The following ACCSL variants were observed in gnomAD, a reference collection of about 807,000 sequenced individuals.
The protein encoded by ACCSL is 1-aminocyclopropane-1-carboxylate synthase homolog (inactive) like.
In ACCSL, 55 loss-of-function variants were observed where a neutral mutation model predicts 61.7. That is an observed-to-expected ratio of 0.89 (90% CI 0.72 to 1.12). The LOEUF (loss-of-function observed/expected upper bound fraction) is 1.12, where lower values mean the gene tolerates loss of function less well. Ranked by LOEUF, ACCSL falls within the 50% of genes most tolerant of loss-of-function variation. ACCSL has a pLI of 0.00. For synonymous variants in ACCSL, 258 were observed against 264.3 expected (o/e 0.98, Z 0.23); for missense variants, 632 against 698.0 (o/e 0.91, Z 1.07).
chr11:44,053,367 G>A (rs184403112), intron 7 of ACCSL, 39 bp from the exon 8 acceptor site: 5 of 1,589,758 alleles, frequency 3.1e-6, no homozygotes, highest in Admixed American at 1.7e-5. Flanking sequence ...TAGATGCTAA[G>A]GACTTGTATT....
the ACCSL span, among the ~76,000 whole-genome samples, chr11:44,021,408 A>G: frequency 1.4e-4 from 22 of 152,176 alleles, no homozygotes; most frequent in African/African-American, 5.1e-4. Context: ...GGCCATTTGT[A>G]TATCTTCTTT....
At chr11:43,986,005 A>G in the ACCSL span, among the ~76,000 whole-genome samples, 1 of 152,150 alleles carries the variant, frequency 6.6e-6, no homozygotes, top group Non-Finnish European at 1.5e-5. Flanking sequence ...AAATAAAAAT[A>G]AAGGCATCTC....
the ACCSL span, among the ~76,000 whole-genome samples, chr11:43,922,998 G>A: frequency 6.6e-6 from 1 of 152,188 alleles, no homozygotes; most frequent in African/African-American, 2.4e-5. Context: ...AGCTCGGGTG[G>A]CATTGACAAT....
upstream of ACCSL, among the ~76,000 whole-genome samples, chr11:44,047,189 A>G (rs1952604027): frequency 6.6e-6 from 1 of 152,156 alleles, no homozygotes; most frequent in African/African-American, 2.4e-5. Flanking sequence ...TGGACTTCAA[A>G]GTTTGAGAGC....
chr11:43,932,109 T>C, the ACCSL span, among the ~76,000 whole-genome samples: 279 of 152,320 alleles, frequency 1.8e-3, no homozygotes, highest in African/African-American at 6.5e-3. Flanking sequence ...ACCCTAATTC[T>C]TGGAATCCAT....
the ACCSL span, among the ~76,000 whole-genome samples, chr11:43,948,796 G>T: frequency 6.6e-6 from 1 of 152,218 alleles, no homozygotes; most frequent in African/African-American, 2.4e-5. Context: ...ACAGCCATGA[G>T]ACTGGGCTTG....
chr11:43,926,733 G>A, the ACCSL span, among the ~76,000 whole-genome samples: 1 of 152,250 alleles, frequency 6.6e-6, no homozygotes, highest in Non-Finnish European at 1.5e-5. Context: ...AGCTAGACAT[G>A]GCAACTCTTT....
At chr11:44,033,315 G>A in the ACCSL span, among the ~76,000 whole-genome samples, 127,215 of 152,098 alleles carry the variant, frequency 0.84, 53,349 homozygotes, top group African/African-American at 0.89. Flanking sequence ...TTGAACTTGC[G>A]GCATGAACCC....
At chr11:43,949,026 C>T in the ACCSL span, among the ~76,000 whole-genome samples, 6 of 152,310 alleles carry the variant, frequency 3.9e-5, no homozygotes, top group South Asian at 1.0e-3. Context: ...GCTGTTTGAG[C>T]CTGCAGCATG....
At chr11:44,018,318 C>G in the ACCSL span, among the ~76,000 whole-genome samples, 1 of 152,192 alleles carries the variant, frequency 6.6e-6, no homozygotes, top group Non-Finnish European at 1.5e-5. Context: ...CTATGCCAGC[C>G]GGTCTCGACC....
At chr11:43,988,205 G>A in the ACCSL span, among the ~76,000 whole-genome samples, 1 of 152,148 alleles carries the variant, frequency 6.6e-6, no homozygotes, top group Non-Finnish European at 1.5e-5. Flanking sequence ...CCTGTTAGCT[G>A]TTAGGGATCT....
chr11:44,018,411 C>G, the ACCSL span, among the ~76,000 whole-genome samples: 1 of 152,240 alleles, frequency 6.6e-6, no homozygotes, highest in Non-Finnish European at 1.5e-5. Context: ...GGCTTACCCT[C>G]CTGACCCATG....
chr11:43,950,385 A>C, the ACCSL span, among the ~76,000 whole-genome samples: 454 of 152,358 alleles, frequency 3.0e-3, no homozygotes, highest in African/African-American at 1.0e-2. Flanking sequence ...TTGGGTTCAC[A>C]AGGGCAAGTG....
the ACCSL span, among the ~76,000 whole-genome samples, chr11:43,989,573 C>T: frequency 1.3e-5 from 2 of 152,216 alleles, no homozygotes; most frequent in Non-Finnish European, 2.9e-5. Flanking sequence ...CCAGCCCTTC[C>T]CTTCCTCGTG....
chr11:43,985,998 T>TAAAA, the ACCSL span, among the ~76,000 whole-genome samples: 23 of 150,300 alleles, frequency 1.5e-4, no homozygotes, highest in Admixed American at 7.3e-4. Context: ...AACAAATAAA[T>TAAAA]AAAAATAAAG....
the ACCSL span, among the ~76,000 whole-genome samples, chr11:44,033,432 G>T: frequency 6.6e-6 from 1 of 152,238 alleles, no homozygotes; most frequent in South Asian, 2.1e-4. Context: ...CAGAAAATGA[G>T]CAGATGAATT....
chr11:43,956,274 C>T, the ACCSL span, among the ~76,000 whole-genome samples: 18,704 of 152,140 alleles, frequency 0.12, 1,238 homozygotes, highest in African/African-American at 0.15. Flanking sequence ...TTGGTTTACA[C>T]CTCCACTTGC....
the ACCSL span, among the ~76,000 whole-genome samples, chr11:43,964,812 C>T: frequency 6.8e-6 from 1 of 147,612 alleles, no homozygotes; most frequent in Admixed American, 6.8e-5. Flanking sequence ...CAAGGTAATA[C>T]ACCACGTTAA....
At chr11:44,012,720 A>G in the ACCSL span, among the ~76,000 whole-genome samples, 2 of 152,246 alleles carry the variant, frequency 1.3e-5, no homozygotes, top group Non-Finnish European at 2.9e-5. Flanking sequence ...AGATAGACAT[A>G]TAAAGATGTT....
Sources: allele counts gnomAD v4.1 joint callset (sites outside exome capture counted in the v4.1 genomes callset), GRCh38; gene constraint gnomAD v4.1.1; transcripts MANE v1.5; gene names NCBI Gene and HGNC (gene_info 2026-07-23, HGNC 2026-07-21).